IPO11: variants seen among roughly 807,000 people sequenced by gnomAD.
IPO11 encodes importin-11.
In IPO11, 66 loss-of-function variants were observed where a neutral mutation model predicts 143.2. That is an observed-to-expected ratio of 0.46 (90% confidence interval 0.38 to 0.57). The LOEUF is 0.57. Ranked by LOEUF, IPO11 falls within the 20% of genes least tolerant of loss-of-function variation. IPO11 has a pLI of 0.00. For synonymous variants in IPO11, 385 were observed against 377.8 expected (o/e 1.02, Z -0.22); for missense variants, 1,026 against 1,141.0 (o/e 0.90, Z 1.45).
intron 10 of IPO11, among the ~76,000 whole-genome samples, chr5:62,483,598 G>C (rs72769134): frequency 0.016 from 2,472 of 152,138 alleles, 22 homozygotes; most frequent in Middle Eastern, 0.065. Flanking sequence ...ACAAATAAAA[G>C]CTTTCTCTGA....
intron 2 of IPO11, 52 bp from the exon 3 acceptor site, chr5:62,442,931 A>G: frequency 9.9e-7 from 1 of 1,011,790 alleles, no homozygotes; most frequent in South Asian, 1.5e-5. Context: ...TACATTAATT[A>G]TACTTTTTAC....
At chr5:62,542,902 A>T (rs550091511) in intron 24 of IPO11, among the ~76,000 whole-genome samples, 11 of 152,290 alleles carry the variant, frequency 7.2e-5, no homozygotes, top group African/African-American at 2.6e-4. Flanking sequence ...ACTTAAGATG[A>T]CACAAATATT....
In IPO11 at chr5:62,437,352, T is replaced by A; in HGVS notation, c.73T>A (p.Leu25Ile). ...GGCCACCAGTCAGGATACTGCTGTGTTAAAACCAGCTGAGGAGCAGTTGAA... is the reference window on the plus strand; with the variant it reads ...GGCCACCAGTCAGGATACTGCTGTGATAAAACCAGCTGAGGAGCAGTTGAA... Reference protein sequence around the residue: ...TQATSQDTAVLKPAEEQLKQW... With the variant: ...TQATSQDTAVIKPAEEQLKQW... Residue 25 changes from leucine (L) to isoleucine (I), a missense_variant, in exon 2 of 30, where the codon TTA (leucine) becomes ATA (isoleucine). Physicochemically the swap from Leu to Ile is conservative, Grantham distance 5. Around this residue, in one of 5 missense-constraint regions of IPO11, gnomAD observed 429 missense variants for 456.3 expected, o/e 0.94. Transcript: ENST00000325324. 1 of 1,613,254 alleles carries A rather than the reference T, an allele frequency of 6.2e-7. No individual in the cohort carries two copies. The highest frequency in any genetic ancestry group is 1.1e-5 in the South Asian group (1 of 90,886).
intron 9 of IPO11, among the ~76,000 whole-genome samples, chr5:62,482,530 A>G (rs951856205): frequency 2.6e-5 from 4 of 152,152 alleles, no homozygotes; most frequent in African/African-American, 9.7e-5. Context: ...AAGATTGATG[A>G]GTGATCTATC....
chr5:62,419,250 A>T, intron 1 of IPO11: 1 of 1,116,928 alleles, frequency 9.0e-7, no homozygotes, highest in East Asian at 2.8e-5. Context: ...GAGGACTGGA[A>T]ATTGGTTTGG....
At chr5:62,576,619 C>T (rs1026590144) in intron 27 of IPO11, among the ~76,000 whole-genome samples, 4 of 152,044 alleles carry the variant, frequency 2.6e-5, no homozygotes, top group African/African-American at 9.7e-5. Context: ...GGCAAGACTC[C>T]GTCTTTACAA....
intron 3 of IPO11, among the ~76,000 whole-genome samples, chr5:62,445,829 C>A (rs1442081917): frequency 6.6e-6 from 1 of 152,056 alleles, no homozygotes; most frequent in Non-Finnish European, 1.5e-5. Flanking sequence ...CAGGTGGTAA[C>A]CCCATCGTAA....
intron 24 of IPO11, among the ~76,000 whole-genome samples, chr5:62,548,443 G>T (rs1743283088): frequency 6.6e-6 from 1 of 152,068 alleles, no homozygotes; most frequent in Non-Finnish European, 1.5e-5. Context: ...AGAATGAGGT[G>T]CCGTAATGTA....
chr5:62,536,897 A>G (rs1206067115), intron 23 of IPO11, 116 bp downstream of exon 23: 1 of 1,112,776 alleles, frequency 9.0e-7, no homozygotes, highest in East Asian at 3.1e-5. Context: ...TTTAAGACAG[A>G]GAAACATTGA....
At chr5:62,469,257 G>A (rs777324844) in intron 6 of IPO11, among the ~76,000 whole-genome samples, 1 of 152,212 alleles carries the variant, frequency 6.6e-6, no homozygotes, top group East Asian at 1.9e-4. Context: ...TTCTCCTTAC[G>A]AAAACGAGGA....
rs184658538 is a variant in IPO11, at chr5:62,475,218, A to T, written c.757+754A>T. On this transcript the variant is annotated intron_variant, in intron 8 of 29. Coordinates refer to ENST00000325324, the MANE Select transcript of IPO11 (RefSeq NM_016338.5). ...CACCTTGTCTGGCCAAAATAGATTTAAAAAAAAAGATTTCCCTGAGGCCAG... is the reference window on the plus strand; with the variant it reads ...CACCTTGTCTGGCCAAAATAGATTTTAAAAAAAAGATTTCCCTGAGGCCAG... Among the ~76,000 whole-genome samples, 24 of 151,786 alleles carry T rather than the reference A, an allele frequency of 1.6e-4. No homozygotes were observed. In the East Asian group the frequency reaches 3.5e-3, roughly 22 times the overall value.
intron 13 of IPO11, among the ~76,000 whole-genome samples, chr5:62,488,737 T>C (rs1421039311): frequency 2.0e-5 from 3 of 152,144 alleles, no homozygotes; most frequent in African/African-American, 7.2e-5. Flanking sequence ...GCATGGTGAC[T>C]CACGCCTGTA....
Position 62,534,353 on chromosome 5 carries a change from A to G in IPO11, c.2090-2349A>G, listed in dbSNP as rs148922527. Among the ~76,000 whole-genome samples the G allele has an allele frequency of 7.9e-4, 121 of 152,250 alleles. 1 individual carries two copies. The highest frequency in any genetic ancestry group is 2.7e-3 in the African/African-American group (111 of 41,562). On this transcript the variant is annotated intron_variant, in intron 22 of 29. Transcript: ENST00000325324. Reference sequence around the variant, plus strand: ...TTTTTCAGCTGGTAACTTTCTATCAAATTTGGAAAGGATGAAGCAGGTTTC... The same window carrying G: ...TTTTTCAGCTGGTAACTTTCTATCAGATTTGGAAAGGATGAAGCAGGTTTC...
intron 27 of IPO11, among the ~76,000 whole-genome samples, chr5:62,570,583 A>C (rs1191967712): frequency 6.6e-6 from 1 of 152,184 alleles, no homozygotes; most frequent in East Asian, 1.9e-4. Context: ...TTTAGGATAG[A>C]TGATTGTTCA....
At chr5:62,615,776 G>A (rs747194719) in intron 29 of IPO11, among the ~76,000 whole-genome samples, 3 of 152,146 alleles carry the variant, frequency 2.0e-5, no homozygotes, top group African/African-American at 2.4e-5. Context: ...GTTAACATTT[G>A]TTTACTTTCC....
chr5:62,493,216 G>A (rs1226432313), intron 15 of IPO11, among the ~76,000 whole-genome samples: 5 of 152,162 alleles, frequency 3.3e-5, no homozygotes, highest in Non-Finnish European at 7.4e-5. Context: ...AAATTTATAT[G>A]AAAGTTTTAT....
intron 29 of IPO11, among the ~76,000 whole-genome samples, chr5:62,623,206 G>C (rs2112484686): frequency 6.6e-6 from 1 of 152,238 alleles, no homozygotes; most frequent in African/African-American, 2.4e-5. Context: ...AAGACCACAT[G>C]GTTAAATACA....
At chr5:62,451,679 G>A (rs1428050581) in intron 4 of IPO11, 51 bp from the exon 5 acceptor site, 2 of 1,331,162 alleles carry the variant, frequency 1.5e-6, no homozygotes, top group Non-Finnish European at 2.2e-6. Flanking sequence ...CACCGTGAAT[G>A]CATTCCTTAT....
chr5:62,576,796 C>T (rs1367968013), intron 27 of IPO11, among the ~76,000 whole-genome samples: 1 of 152,164 alleles, frequency 6.6e-6, no homozygotes, highest in Non-Finnish European at 1.5e-5. Context: ...AGAATACATG[C>T]ATCCATACAG....
Sources: allele counts gnomAD v4.1 joint callset (sites outside exome capture counted in the v4.1 genomes callset), GRCh38; gene constraint gnomAD v4.1.1; regional missense constraint gnomAD v4.1.1; transcripts MANE v1.5; gene names NCBI Gene and HGNC (gene_info 2026-07-23, HGNC 2026-07-21).